Variants in DDR2 observed in about 807,000 individuals in gnomAD.
The protein encoded by DDR2 is discoidin domain-containing receptor 2.
In DDR2, 27 loss-of-function variants were observed where a neutral mutation model predicts 94.9. The observed-to-expected ratio is 0.28, with a 90% CI of 0.21 to 0.39. The LOEUF (loss-of-function observed/expected upper bound fraction) is 0.39. DDR2 is among the 10% of genes least tolerant of loss of function. The pLI is 1.00. For synonymous variants in DDR2, 382 were observed against 377.2 expected (o/e 1.01, Z -0.15); for missense variants, 783 against 1,076.0 (o/e 0.73, Z 3.81).
chr1:162,711,505 G>GT (rs774182853), intron 2 of DDR2, among the ~76,000 whole-genome samples: 15 of 152,122 alleles, frequency 9.9e-5, no homozygotes, highest in Non-Finnish European at 1.9e-4. Context: ...AGAAAAAGTT[G>GT]TTTTTTGCAA....
chr1:162,772,195 C>A lies in DDR2; in HGVS notation c.1676C>A (p.Pro559His), dbSNP rs2102186508. The A allele has an allele frequency of 6.2e-7, 1 of 1,614,168 alleles. No homozygotes were observed. Among genetic ancestry groups the A allele is most frequent in the Non-Finnish European group, 8.5e-7 (1 of 1,180,040 alleles). ...SGKDVAVEEF[P>H]RKLLTFKEKL... ...AAAGATGTGGCTGTGGAGGAGTTCCCCAGGAAACTCCTAACTTTCAAAGAG... is the reference window on the plus strand; with the variant it reads ...AAAGATGTGGCTGTGGAGGAGTTCCACAGGAAACTCCTAACTTTCAAAGAG... Residue 559 changes from proline to histidine, a missense_variant, in exon 13 of 18, where the codon CCC becomes CAC. Physicochemically the swap from Pro to His is moderately conservative, Grantham distance 77 (BLOSUM62 -2). Transcript: ENST00000367921.
intron 2 of DDR2, among the ~76,000 whole-genome samples, chr1:162,677,202 C>G (rs959016899): frequency 6.6e-5 from 10 of 152,112 alleles, no homozygotes; most frequent in African/African-American, 2.4e-4. Flanking sequence ...TTGCTTTCCT[C>G]AAACTATTGC....
intron 3 of DDR2, among the ~76,000 whole-genome samples, chr1:162,724,214 C>G (rs1291985391): frequency 1.3e-5 from 2 of 152,166 alleles, no homozygotes; most frequent in Non-Finnish European, 2.9e-5. Flanking sequence ...CTCCCAATCC[C>G]AGGTGACTTC....
chr1:162,764,837 A>AG, intron 9 of DDR2, among the ~76,000 whole-genome samples: 1 of 152,032 alleles, frequency 6.6e-6, no homozygotes, highest in Middle Eastern at 3.4e-3. Flanking sequence ...AAAAAAAAAA[A>AG]AAAGAAAGAA....
intron 1 of DDR2, among the ~76,000 whole-genome samples, chr1:162,654,409 G>C (rs1000371440): frequency 1.3e-5 from 2 of 152,064 alleles, no homozygotes; most frequent in Non-Finnish European, 2.9e-5. Context: ...TCACTCCACT[G>C]CACTCCAGCC....
chr1:162,778,140 T>G (rs1480428707), intron 16 of DDR2: 1 of 270,128 alleles, frequency 3.7e-6, no homozygotes, highest in Non-Finnish European at 7.2e-6. Flanking sequence ...TGTCACTTGT[T>G]AAAGTCTATC....
chr1:162,775,805 G>A lies in DDR2; in HGVS notation c.2010G>A (p.Glu670=). Residue 670 remains glutamate (E), a synonymous_variant, in exon 15 of 18, where the codon GAG becomes GAA. Transcript: ENST00000367921. ...TCAATCAGTTTCTTTCCCGCCACGAGCCCCCTAATTCTTCCTCCAGCGATG... is the reference window on the plus strand; with the variant it reads ...TCAATCAGTTTCTTTCCCGCCACGAACCCCCTAATTCTTCCTCCAGCGATG... ...GDLNQFLSRH[E]PPNSSSSDVR... 1 of 1,614,010 alleles carries A rather than the reference G, an allele frequency of 6.2e-7. No homozygotes were observed. Among genetic ancestry groups the A allele is most frequent in the Non-Finnish European group, 8.5e-7 (1 of 1,179,988 alleles).
At chr1:162,736,751 C>T (rs187955955) in intron 3 of DDR2, among the ~76,000 whole-genome samples, 3 of 152,298 alleles carry the variant, frequency 2.0e-5, no homozygotes, top group Non-Finnish European at 2.9e-5. Context: ...GATGTCAGTA[C>T]GTGAAAGAAT....
chr1:162,764,330 G>A (rs1021164879), intron 9 of DDR2, among the ~76,000 whole-genome samples: 1 of 150,056 alleles, frequency 6.7e-6, no homozygotes, highest in African/African-American at 2.5e-5. Context: ...AAGTTAAAAG[G>A]TGTTTAGAAC....
intron 9 of DDR2, among the ~76,000 whole-genome samples, chr1:162,764,706 A>G (rs1014510537): frequency 4.6e-5 from 7 of 152,014 alleles, no homozygotes; most frequent in Non-Finnish European, 8.8e-5. Flanking sequence ...ACGTGCTTGC[A>G]GTCCCAGCTA....
At chr1:162,770,006 T>C (rs1328846583) in intron 11 of DDR2, among the ~76,000 whole-genome samples, 2 of 152,216 alleles carry the variant, frequency 1.3e-5, no homozygotes, top group African/African-American at 2.4e-5. Context: ...GATCTTTGGC[T>C]ACTGATGGGT....
At chr1:162,661,743 A>T (rs924894630) in intron 2 of DDR2, among the ~76,000 whole-genome samples, 7 of 152,146 alleles carry the variant, frequency 4.6e-5, no homozygotes, top group African/African-American at 1.4e-4. Context: ...AGTCTTGGAG[A>T]TCTTGGTTTT....
At chr1:162,733,720 G>C (rs531806166) in intron 3 of DDR2, among the ~76,000 whole-genome samples, 2 of 152,294 alleles carry the variant, frequency 1.3e-5, no homozygotes, top group East Asian at 3.9e-4. Flanking sequence ...CATGGGTGCT[G>C]TGTGTTGGCA....
intron 2 of DDR2, among the ~76,000 whole-genome samples, chr1:162,682,414 G>C (rs1056463240): frequency 2.6e-5 from 4 of 152,314 alleles, no homozygotes; most frequent in Non-Finnish European, 5.9e-5. Flanking sequence ...TGTCAGGCCA[G>C]GGGCCTGACC....
intron 2 of DDR2, among the ~76,000 whole-genome samples, chr1:162,675,022 G>A (rs1371164137): frequency 6.6e-6 from 1 of 152,100 alleles, no homozygotes; most frequent in East Asian, 1.9e-4. Context: ...GCCGGGCATG[G>A]TGGTGGGCAC....
intron 2 of DDR2, among the ~76,000 whole-genome samples, chr1:162,713,039 G>A (rs1021738747): frequency 7.2e-5 from 11 of 152,152 alleles, no homozygotes; most frequent in African/African-American, 1.9e-4. Flanking sequence ...ACTTAGGGCC[G>A]TACTTTTCTA....
intron 10 of DDR2, among the ~76,000 whole-genome samples, chr1:162,766,888 C>T (rs886374941): frequency 5.3e-5 from 8 of 151,738 alleles, no homozygotes; most frequent in African/African-American, 9.7e-5. Flanking sequence ...AAAAATTAGC[C>T]GGGCGTAGTG....
chr1:162,780,334 C>A lies in DDR2; in HGVS notation c.*88C>A. The stretch of plus-strand genomic sequence containing the variant: ...CCATGCCTATGCCACTCCATCTGGA[C>A]ATTTAATGAAACTGAGAGACAGAGG... On this transcript the variant is annotated 3_prime_UTR_variant, in exon 18 of 18. Transcript: ENST00000367921. 1 of 1,583,642 alleles carries A rather than the reference C, an allele frequency of 6.3e-7. No homozygotes were observed. The highest frequency in any genetic ancestry group is 8.6e-7 in the Non-Finnish European group (1 of 1,159,364).
rs774176514 is a variant in DDR2 at position 162,693,759 on chromosome 1, G to A, written c.-27-25278G>A. 2.0e-5 allele frequency among the ~76,000 whole-genome samples: 3 copies of A among 152,332 alleles called. No homozygotes were observed. In the South Asian group the frequency reaches 6.2e-4, roughly 32 times the overall value. On this transcript the variant is annotated intron_variant, in intron 2 of 17. Transcript: ENST00000367921. ...TGGAGCCAGAGCCTGGATGAAGTGAGTAAGGGAGGCTGACAGGTATGTGAA... is the reference window on the plus strand; with the variant it reads ...TGGAGCCAGAGCCTGGATGAAGTGAATAAGGGAGGCTGACAGGTATGTGAA...
Sources: gnomAD v4.1 joint callset for allele counts (sites outside exome capture counted in the v4.1 genomes callset) on GRCh38, gnomAD v4.1.1 for gene constraint, MANE v1.5 for transcripts, NCBI Gene and HGNC (gene_info 2026-07-23, HGNC 2026-07-21) for gene names.